EARS2: variants seen among roughly 807,000 people sequenced by gnomAD.
EARS2 encodes nondiscriminating glutamyl-tRNA synthetase EARS2, mitochondrial.
Under a neutral mutation model 54.1 loss-of-function variants are expected in EARS2, and 50 were observed. The ratio of observed to expected loss-of-function variants is 0.92; its 90% CI spans 0.74 to 1.17. The LOEUF (loss-of-function observed/expected upper bound fraction) is 1.17, where lower values mean the gene tolerates loss of function less well. Among genes scored for constraint, EARS2 ranks in the 50% most tolerant of loss-of-function variants. EARS2 has a pLI of 0.00. For missense variants in EARS2, 673 were observed against 675.0 expected (o/e 1.00, Z 0.03); for synonymous variants, 298 against 281.0 (o/e 1.06, Z -0.61).
At chr16:23,527,646 C>T (rs1016473816) in intron 7 of EARS2, among the ~76,000 whole-genome samples, 58 of 151,336 alleles carry the variant, frequency 3.8e-4, no homozygotes, top group Admixed American at 8.6e-4. Flanking sequence ...CTCCGCCTCC[C>T]GGATTCACGC....
At chr16:23,541,856 G>T (rs1369250672) in intron 3 of EARS2, among the ~76,000 whole-genome samples, 1 of 151,022 alleles carries the variant, frequency 6.6e-6, no homozygotes, top group African/African-American at 2.4e-5. Context: ...ACCAAGCTCA[G>T]CTAATTTTTT....
At chr16:23,544,847 CTT>C in intron 2 of EARS2, 144 bp from the exon 3 acceptor site, 1 of 738,368 alleles carries the variant, frequency 1.4e-6, no homozygotes, top group Non-Finnish European at 2.1e-6. Context: ...TCCCCGCCGC[CTT>C]TTTTTTTGAG....
At chr16:23,546,469 T>C (rs4968019) in intron 2 of EARS2, 346,738 of 455,672 alleles carry the variant, frequency 0.76, 132,998 homozygotes, top group Non-Finnish European at 0.81. Flanking sequence ...AACTTTCTCA[T>C]GAGGATCATC....
At position 23,520,952 on chromosome 16, in the gene EARS2, T is replaced by C. The variant is rs1965137311; in HGVS notation, c.*3419A>G. On this transcript the variant is annotated 3_prime_UTR_variant, in exon 9 of 9. Coordinates refer to ENST00000449606, the MANE Select transcript of EARS2 (RefSeq NM_001083614.2). Reference sequence around the variant, plus strand: ...GATTATAGGTATGTACCACCACACCTGGCTAATTTTTGTACTTTTAGTAGA... The same window carrying C: ...GATTATAGGTATGTACCACCACACCCGGCTAATTTTTGTACTTTTAGTAGA... 6.6e-6 allele frequency among the ~76,000 whole-genome samples: 1 copy of C among 152,054 alleles called. No homozygotes were observed. The highest frequency in any genetic ancestry group is 6.6e-5 in the Admixed American group (1 of 15,246).
At chr16:23,526,045 G>A (rs988473028) in intron 7 of EARS2, among the ~76,000 whole-genome samples, 4 of 149,986 alleles carry the variant, frequency 2.7e-5, no homozygotes, top group Non-Finnish European at 5.9e-5. Flanking sequence ...CAAGGCTATC[G>A]TAGAGAGTTA....
Position 23,525,511 on chromosome 16 carries a change from G to A in EARS2, c.1353-132C>T. On this transcript the variant is annotated intron_variant, in intron 7 of 8. Transcript: ENST00000449606. ...CAATGTTCAAGCCTGTTTTGAGGGA[G>A]GTGAGGAAGATATTGACCACTTTCT... 8 of 1,077,488 alleles carry A rather than the reference G, an allele frequency of 7.4e-6. No individual in the cohort carries two copies. The South Asian group carries it at 1.3e-4, about 17-fold the overall frequency. 66.7% of individuals were successfully genotyped at this position (1,077,488 alleles called of 1,614,324 possible).
At chr16:23,548,233 CAATAAATAAATAAATAAATA>C (rs10687580) in intron 2 of EARS2, among the ~76,000 whole-genome samples, 2 of 135,350 alleles carry the variant, frequency 1.5e-5, no homozygotes, top group African/African-American at 2.7e-5. Context: ...GACTCCATCT[CAATAAATAAATAAATAAATA>C]AATAAATAAA....
At chr16:23,549,838 A>G (rs1381349183) in intron 2 of EARS2, among the ~76,000 whole-genome samples, 1 of 152,136 alleles carries the variant, frequency 6.6e-6, no homozygotes, top group Non-Finnish European at 1.5e-5. Flanking sequence ...CTCCTCAAAT[A>G]CATCTAGAAC....
chr16:23,557,097 TCCGC>T, intron 1 of EARS2, 104 bp downstream of exon 1: 1 of 1,443,310 alleles, frequency 6.9e-7, no homozygotes, highest in Non-Finnish European at 9.1e-7. Context: ...TTAACCCTCC[TCCGC>T]CCGCCCACTC....
rs939144107 is a variant in EARS2, at chr16:23,521,316, A to C, written c.*3055T>G. On this transcript the variant is annotated 3_prime_UTR_variant, in exon 9 of 9. Coordinates refer to ENST00000449606, the MANE Select transcript of EARS2 (RefSeq NM_001083614.2). ...CCCCAAGTCTGACAACCACCATCTT[A>C]TTTTCTGCCTGTATAATTTTGATTA... Among the ~76,000 whole-genome samples the C allele has an allele frequency of 1.3e-5, 2 of 151,706 alleles. No homozygotes were observed. The highest frequency in any genetic ancestry group is 4.8e-5 in the African/African-American group (2 of 41,248).
At chr16:23,534,386 A>G (rs1017001087) in intron 4 of EARS2, among the ~76,000 whole-genome samples, 2 of 152,244 alleles carry the variant, frequency 1.3e-5, no homozygotes, top group Non-Finnish European at 2.9e-5. Context: ...GTCTTGGACC[A>G]TGGGTAAGTG....
rs1488676693 is a variant in EARS2 at position 23,524,383 on chromosome 16, C to T, written c.1560G>A (p.Val520=). 1.2e-6 allele frequency: 2 copies of T among 1,614,136 alleles called. No homozygotes were observed. Among genetic ancestry groups the T allele is most frequent in the Admixed American group, 1.7e-5 (1 of 60,024 alleles). ...PKEVRERIQK[V]VSS ...AAACATCCTCTCCCTAGCTGGAAAC[C>T]ACCTTCTGGATCCGTTCCCGTACTT... Residue 520 remains valine, a synonymous_variant, in exon 9 of 9, where the codon GTG becomes GTA. Coordinates refer to ENST00000449606, the MANE Select transcript of EARS2 (RefSeq NM_001083614.2).
chr16:23,537,751 T>C (rs1205259561), intron 3 of EARS2, among the ~76,000 whole-genome samples: 4 of 151,928 alleles, frequency 2.6e-5, no homozygotes, highest in African/African-American at 7.2e-5. Flanking sequence ...TTTTTGTATT[T>C]TTAGTAGAGA....
Position 23,532,756 on chromosome 16 carries a change from A to T in EARS2, c.968T>A (p.Met323Lys). 6.2e-7 allele frequency: 1 copy of T among 1,611,990 alleles called. No homozygotes were observed. Among genetic ancestry groups the T allele is most frequent in the Non-Finnish European group, 8.5e-7 (1 of 1,178,642 alleles). ...GATCAGCTCCGGCAGGGTCCTGCCC[A>T]TTTGGTTCTCTGCAAAGAAGAGAGG... ...NCGSGFAENQMGRTLPELITQ... is the reference protein window; with the variant it reads ...NCGSGFAENQKGRTLPELITQ... Residue 323 changes from methionine (M) to lysine (K), a missense_variant, in exon 5 of 9, where the codon ATG becomes AAG. By Grantham distance (95) the Met-to-Lys change is moderately conservative (BLOSUM62 -1). Transcript: ENST00000449606.
At chr16:23,554,257 C>G (rs1057247204) in intron 1 of EARS2, among the ~76,000 whole-genome samples, 1 of 152,070 alleles carries the variant, frequency 6.6e-6, no homozygotes. Flanking sequence ...TGGGCTCAAG[C>G]AATCCTTACA....
In EARS2 at chr16:23,525,204, G is replaced by A. The variant is rs374722586; in HGVS notation, c.1488+40C>T. Reference sequence around the variant, plus strand: ...AAATGTAAGTTCAAAGGATCAATGAGGGGCTCCAGGGAACAATCCAACCCG... The same window carrying A: ...AAATGTAAGTTCAAAGGATCAATGAAGGGCTCCAGGGAACAATCCAACCCG... On this transcript the variant is annotated intron_variant, in intron 8 of 8. Transcript: ENST00000449606. 8 of 1,613,894 alleles carry A rather than the reference G, an allele frequency of 5.0e-6. No homozygotes were observed. The Admixed American group carries it at 8.3e-5, about 17-fold the overall frequency.
chr16:23,543,950 T>C (rs909268431), intron 3 of EARS2, among the ~76,000 whole-genome samples: 3 of 152,186 alleles, frequency 2.0e-5, no homozygotes, highest in African/African-American at 7.2e-5. Flanking sequence ...GAATCTCATG[T>C]TTAGACTTGG....
rs146757679 is a variant in EARS2 at position 23,550,399 on chromosome 16, C to T, written c.295+1750G>A. ...AAAAAAAAAAGAAATAATTAATCCACTCATCTGTCTTTTCCCTTGGCACTA... is the reference window on the plus strand; with the variant it reads ...AAAAAAAAAAGAAATAATTAATCCATTCATCTGTCTTTTCCCTTGGCACTA... On this transcript the variant is annotated intron_variant, in intron 2 of 8. Coordinates refer to ENST00000449606, the MANE Select transcript of EARS2 (RefSeq NM_001083614.2). 3.7e-3 allele frequency among the ~76,000 whole-genome samples: 555 copies of T among 149,130 alleles called. 3 individuals carry two copies. The highest frequency in any genetic ancestry group is 0.013 in the African/African-American group (537 of 40,684).
Position 23,534,885 on chromosome 16 carries a change from T to A in EARS2, c.958+3A>T. 1 of 1,565,690 alleles carries A rather than the reference T, an allele frequency of 6.4e-7. No homozygotes were observed. Among genetic ancestry groups the A allele is most frequent in the Non-Finnish European group, 8.7e-7 (1 of 1,152,344 alleles). ...TGCCAGGACTATTCAGGTGGGCACG[T>A]ACCTGCAAAACCTGAGCCACAGTTG... On this transcript the variant is annotated splice_donor_region_variant and intron_variant, in intron 4 of 8. Transcript: ENST00000449606.
Sources: allele counts gnomAD v4.1 joint callset (sites outside exome capture counted in the v4.1 genomes callset), GRCh38; gene constraint gnomAD v4.1.1; transcripts MANE v1.5; gene names NCBI Gene and HGNC (gene_info 2026-07-23, HGNC 2026-07-21).